The following FBXL20 variants were observed in gnomAD, a reference collection of about 807,000 sequenced individuals.
The protein encoded by FBXL20 is F-box/LRR-repeat protein 20.
In FBXL20, 11 loss-of-function variants were observed where a neutral mutation model predicts 64.0. That is an observed-to-expected ratio of 0.17 (90% confidence interval 0.11 to 0.28). The LOEUF (loss-of-function observed/expected upper bound fraction) is 0.28. FBXL20 is among the 10% of genes least tolerant of loss of function. The pLI is 1.00. For synonymous variants in FBXL20, 184 were observed against 189.0 expected (o/e 0.97, Z 0.22); for missense variants, 303 against 526.2 (o/e 0.58, Z 4.15).
intron 7 of FBXL20, 102 bp from the exon 8 acceptor site, chr17:39,282,957 C>A: frequency 2.2e-6 from 3 of 1,346,276 alleles, no homozygotes; most frequent in Non-Finnish European, 2.1e-6. Context: ...GGAAACATTC[C>A]CATTTTTTCC....
chr17:39,362,139 A>C (rs976835273), intron 1 of FBXL20, among the ~76,000 whole-genome samples: 8 of 151,544 alleles, frequency 5.3e-5, no homozygotes, highest in East Asian at 2.0e-4. Context: ...TACACACACA[A>C]AAAATTAGCC....
At chr17:39,376,184 A>G (rs2047965543) in intron 1 of FBXL20, among the ~76,000 whole-genome samples, 1 of 152,104 alleles carries the variant, frequency 6.6e-6, no homozygotes, top group Non-Finnish European at 1.5e-5. Flanking sequence ...AATGGAACAG[A>G]TCTGATTCCC....
At chr17:39,315,620 T>C (rs182653110) in intron 2 of FBXL20, among the ~76,000 whole-genome samples, 86 of 151,416 alleles carry the variant, frequency 5.7e-4, no homozygotes, top group African/African-American at 1.9e-3. Context: ...TAGCAGGAGA[T>C]ACTGGGATAC....
intron 1 of FBXL20, among the ~76,000 whole-genome samples, chr17:39,352,826 T>C (rs2047700530): frequency 6.6e-6 from 1 of 152,172 alleles, no homozygotes; most frequent in Non-Finnish European, 1.5e-5. Flanking sequence ...ATAGATTATA[T>C]ACAGAATTCC....
At chr17:39,374,102 G>GTAGTCCCAGCT (rs61137598) in intron 1 of FBXL20, among the ~76,000 whole-genome samples, 47,875 of 151,420 alleles carry the variant, frequency 0.32, 8,446 homozygotes, top group African/African-American at 0.48. Context: ...GTGGGCGCCT[G>GTAGTCCCAGCT]TAGTCCCAGC....
rs1313897072 is a variant in FBXL20 at position 39,320,739 on chromosome 17, TAA to T, written c.105-17102_105-17101del. Among the ~76,000 whole-genome samples the T allele has an allele frequency of 2.0e-5, 3 of 151,962 alleles. No individual in the cohort carries two copies. The East Asian group carries it at 5.8e-4, about 29-fold the overall frequency. On this transcript the variant is annotated intron_variant, in intron 2 of 14. Coordinates refer to ENST00000264658, the MANE Select transcript of FBXL20 (RefSeq NM_032875.3). The stretch of plus-strand genomic sequence containing the variant: ...CCTCCCAAGCAGCTGGGACTACAGG[TAA>T]ATACAACCATATCTGGCTAATTTTT...
chr17:39,303,324 T>C (rs1442722363), intron 3 of FBXL20, among the ~76,000 whole-genome samples: 1 of 152,084 alleles, frequency 6.6e-6, no homozygotes, highest in Non-Finnish European at 1.5e-5. Context: ...AAACTTTTAA[T>C]ATGCATGTTT....
intron 10 of FBXL20, 126 bp downstream of exon 10, chr17:39,274,844 G>A: frequency 8.2e-7 from 1 of 1,217,252 alleles, no homozygotes. Context: ...GCATCTAAAA[G>A]GGACTACCTT....
chr17:39,285,099 T>A (rs1174235603), intron 7 of FBXL20, among the ~76,000 whole-genome samples: 1 of 152,058 alleles, frequency 6.6e-6, no homozygotes, highest in Non-Finnish European at 1.5e-5. Context: ...AGAGACAGGG[T>A]TTCACCATGT....
chr17:39,326,720 A>C (rs2047412734), intron 2 of FBXL20, among the ~76,000 whole-genome samples: 1 of 151,728 alleles, frequency 6.6e-6, no homozygotes, highest in Admixed American at 6.6e-5. Flanking sequence ...CCTGGCCTCA[A>C]GCAATCCTCT....
chr17:39,313,032 C>T (rs914362572), intron 2 of FBXL20, among the ~76,000 whole-genome samples: 1 of 150,270 alleles, frequency 6.7e-6, no homozygotes, highest in East Asian at 1.9e-4. Flanking sequence ...GATTCTCCTG[C>T]CTCAGCCTCC....
At chr17:39,379,647 G>C (rs1018971835) in intron 1 of FBXL20, among the ~76,000 whole-genome samples, 1 of 151,698 alleles carries the variant, frequency 6.6e-6, no homozygotes, top group Admixed American at 6.6e-5. Context: ...TGGGCGTGGT[G>C]GTACCCATCT....
At chr17:39,290,056 TTAAG>T (rs1459326490) in intron 6 of FBXL20, among the ~76,000 whole-genome samples, 4 of 151,320 alleles carry the variant, frequency 2.6e-5, no homozygotes, top group Non-Finnish European at 5.9e-5. Flanking sequence ...TATCATTTAC[TTAAG>T]TCTTTTTAAA....
At chr17:39,299,207 G>T in intron 4 of FBXL20, 123 bp from the exon 5 acceptor site, 1 of 669,890 alleles carries the variant, frequency 1.5e-6, no homozygotes, top group Non-Finnish European at 2.5e-6. Flanking sequence ...TAATTTAATA[G>T]GAAAATTGTA....
intron 1 of FBXL20, among the ~76,000 whole-genome samples, chr17:39,375,819 C>T (rs556936970): frequency 3.3e-4 from 50 of 152,102 alleles, no homozygotes; most frequent in Middle Eastern, 3.4e-3. Flanking sequence ...TTGGCAGTAA[C>T]CTTAAAAATA....
At chr17:39,303,516 C>A in intron 3 of FBXL20, 69 bp downstream of exon 3, 1 of 1,265,578 alleles carries the variant, frequency 7.9e-7, no homozygotes, top group Non-Finnish European at 1.1e-6. Flanking sequence ...AAATGGATGG[C>A]CTATGAAAGA....
chr17:39,346,040 G>A (rs1365796372), intron 1 of FBXL20, among the ~76,000 whole-genome samples: 1 of 152,134 alleles, frequency 6.6e-6, no homozygotes, highest in Non-Finnish European at 1.5e-5. Context: ...ACCAGGCATT[G>A]GCTGGGAGTG....
intron 1 of FBXL20, among the ~76,000 whole-genome samples, chr17:39,369,326 T>C (rs1407063392): frequency 6.8e-6 from 1 of 148,106 alleles, no homozygotes; most frequent in Non-Finnish European, 1.5e-5. Flanking sequence ...GGTGTGATCT[T>C]GGCTCATTGC....
chr17:39,388,433 C>A (rs2048102352), intron 1 of FBXL20, among the ~76,000 whole-genome samples: 1 of 151,168 alleles, frequency 6.6e-6, no homozygotes, highest in South Asian at 2.1e-4. Flanking sequence ...TGGCTCCAGC[C>A]TGGGCAACAG....
Sources: allele counts gnomAD v4.1 joint callset (sites outside exome capture counted in the v4.1 genomes callset), GRCh38; gene constraint gnomAD v4.1.1; transcripts MANE v1.5; gene names NCBI Gene and HGNC (gene_info 2026-07-23, HGNC 2026-07-21).